Variants in TANC1 observed in about 807,000 individuals in gnomAD.
TANC1 encodes the protein protein TANC1.
In TANC1, 77 loss-of-function variants were observed where a neutral mutation model predicts 149.7. That is an observed-to-expected ratio of 0.51 (90% CI 0.43 to 0.62). The LOEUF (loss-of-function observed/expected upper bound fraction) is 0.62. Among genes scored for constraint, TANC1 ranks in the 20% least tolerant of loss-of-function variants. The probability of loss-of-function intolerance (pLI) is 0.00; values close to 1 mark genes in which losing one functional copy is unlikely to be tolerated. For synonymous variants in TANC1, 854 were observed against 925.0 expected (o/e 0.92, Z 1.39); for missense variants, 1,985 against 2,321.8 (o/e 0.85, Z 2.98).
chr2:159,199,850 ATGG>A (rs1459706260), intron 19 of TANC1, among the ~76,000 whole-genome samples: 2 of 152,296 alleles, frequency 1.3e-5, no homozygotes, highest in East Asian at 3.9e-4. Flanking sequence ...AATAAGCCAA[ATGG>A]TGGTGTGAAG....
intron 1 of TANC1, among the ~76,000 whole-genome samples, chr2:158,986,152 A>G (rs1194248392): frequency 6.6e-6 from 1 of 152,198 alleles, no homozygotes; most frequent in Non-Finnish European, 1.5e-5. Flanking sequence ...CTCAGTCCAA[A>G]TCAGTGGCTC....
intron 19 of TANC1, among the ~76,000 whole-genome samples, chr2:159,199,614 G>A (rs1209442776): frequency 6.6e-6 from 1 of 152,232 alleles, no homozygotes; most frequent in East Asian, 1.9e-4. Context: ...GTGAAGATTT[G>A]AGCTGGTTAC....
At chr2:159,105,270 A>G (rs2047064691) in intron 4 of TANC1, among the ~76,000 whole-genome samples, 1 of 152,094 alleles carries the variant, frequency 6.6e-6, no homozygotes, top group Admixed American at 6.6e-5. Flanking sequence ...CTGGGATTAC[A>G]GGCATGAGCC....
At chr2:159,157,336 T>C (rs1436203871) in intron 7 of TANC1, among the ~76,000 whole-genome samples, 1 of 152,096 alleles carries the variant, frequency 6.6e-6, no homozygotes, top group Non-Finnish European at 1.5e-5. Flanking sequence ...TGGCCGGGCC[T>C]AGGTAGGGGT....
At chr2:159,115,171 GGTGTGT>G (rs68140748) in intron 4 of TANC1, among the ~76,000 whole-genome samples, 29 of 149,706 alleles carry the variant, frequency 1.9e-4, no homozygotes, top group South Asian at 6.4e-4. Context: ...AGCTGGTAAG[GGTGTGT>G]GTGTGTGTGT....
chr2:159,023,087 A>G (rs1305041061), intron 2 of TANC1, among the ~76,000 whole-genome samples: 1 of 152,234 alleles, frequency 6.6e-6, no homozygotes, highest in Non-Finnish European at 1.5e-5. Flanking sequence ...GAGCATAGGG[A>G]AAATTGAGAC....
chr2:159,125,835 G>T (rs181667658), intron 4 of TANC1, among the ~76,000 whole-genome samples: 3 of 152,190 alleles, frequency 2.0e-5, no homozygotes, highest in Admixed American at 2.0e-4. Context: ...TGATCCACCC[G>T]CCTCGGTCTC....
chr2:158,987,245 G>C (rs1034848109), intron 1 of TANC1, among the ~76,000 whole-genome samples: 1 of 148,916 alleles, frequency 6.7e-6, no homozygotes, highest in Admixed American at 6.8e-5. Context: ...GTCACTGAAG[G>C]CTGGGTATGG....
intron 5 of TANC1, among the ~76,000 whole-genome samples, 189 bp downstream of exon 5, chr2:159,136,487 G>A (rs1210826633): frequency 1.3e-5 from 2 of 152,176 alleles, no homozygotes; most frequent in African/African-American, 2.4e-5. Flanking sequence ...TATACCTGGC[G>A]TATAAATAGT....
chr2:159,167,441 C>T (rs1261019377), intron 8 of TANC1, among the ~76,000 whole-genome samples: 4 of 152,302 alleles, frequency 2.6e-5, no homozygotes, highest in South Asian at 4.1e-4. Context: ...TTATGAAGGG[C>T]CTAGAGAGAA....
intron 3 of TANC1, among the ~76,000 whole-genome samples, chr2:159,078,664 C>T (rs2043940646): frequency 1.3e-5 from 2 of 152,186 alleles, no homozygotes; most frequent in African/African-American, 2.4e-5. Flanking sequence ...TTTTTTCCCC[C>T]TCCATCCATT....
At chr2:159,225,905 G>C (rs1240938501) in intron 24 of TANC1, 126 bp downstream of exon 24, 9 of 812,736 alleles carry the variant, frequency 1.1e-5, no homozygotes, top group South Asian at 1.0e-4. Flanking sequence ...AAAGTGGCTG[G>C]GTGGGGTGGC....
At position 159,010,848 on chromosome 2, in the gene TANC1, C is replaced by T. The variant is rs1206955058; in HGVS notation, c.-16+9659C>T. Among the ~76,000 whole-genome samples, 2 of 151,270 alleles carry T rather than the reference C, an allele frequency of 1.3e-5. 1 individual carries two copies. The highest frequency in any genetic ancestry group is 2.9e-5 in the Non-Finnish European group (2 of 67,904). ...TGAAGGAAAGGTTTATTGGAATAATCTCCTAAAGACCATTCTGCTTTTGAA... is the reference window on the plus strand; with the variant it reads ...TGAAGGAAAGGTTTATTGGAATAATTTCCTAAAGACCATTCTGCTTTTGAA... On this transcript the variant is annotated intron_variant, in intron 2 of 26. Transcript: ENST00000263635.
At chr2:159,010,477 A>G (rs1289542609) in intron 2 of TANC1, among the ~76,000 whole-genome samples, 1 of 152,202 alleles carries the variant, frequency 6.6e-6, no homozygotes, top group African/African-American at 2.4e-5. Context: ...ACTCATTAGG[A>G]GAATGCAAAC....
At chr2:159,193,843 A>T (rs556568602) in intron 16 of TANC1, among the ~76,000 whole-genome samples, 1 of 151,908 alleles carries the variant, frequency 6.6e-6, no homozygotes, top group African/African-American at 2.4e-5. Context: ...TTTAATTAAA[A>T]ATTTTTTTTT....
At chr2:158,971,045 G>A (rs1431279010) in intron 1 of TANC1, among the ~76,000 whole-genome samples, 2 of 152,146 alleles carry the variant, frequency 1.3e-5, no homozygotes, top group Non-Finnish European at 2.9e-5. Context: ...GTAGAAAAAA[G>A]AACATTTTGT....
At chr2:159,149,325 G>T in intron 6 of TANC1, 53 bp downstream of exon 6, 1 of 1,610,972 alleles carries the variant, frequency 6.2e-7, no homozygotes, top group Non-Finnish European at 8.5e-7. Flanking sequence ...GATGAACGAA[G>T]CAATAACCAT....
intron 2 of TANC1, among the ~76,000 whole-genome samples, chr2:159,016,918 C>T (rs2038339726): frequency 6.6e-6 from 1 of 152,142 alleles, no homozygotes. Context: ...TACTCCTCTT[C>T]TTATATTTCC....
At chr2:159,193,566 C>A (rs2057624941) in intron 16 of TANC1, among the ~76,000 whole-genome samples, 1 of 152,136 alleles carries the variant, frequency 6.6e-6, no homozygotes, top group South Asian at 2.1e-4. Context: ...CACTCTGTCG[C>A]CAGGCTGGAG....
Sources: allele counts gnomAD v4.1 joint callset (sites outside exome capture counted in the v4.1 genomes callset), GRCh38; gene constraint gnomAD v4.1.1; transcripts MANE v1.5; gene names NCBI Gene and HGNC (gene_info 2026-07-23, HGNC 2026-07-21).